RBMS3: variants seen among roughly 807,000 people sequenced by gnomAD.
RBMS3 encodes the protein RNA-binding motif, single-stranded-interacting protein 3.
RBMS3 carries 27 observed loss-of-function variants against 66.8 expected under a neutral mutation model. That is an observed-to-expected ratio of 0.40 (90% CI 0.30 to 0.56). The LOEUF is 0.56. Ranked by LOEUF, RBMS3 falls within the 20% of genes least tolerant of loss-of-function variation. The pLI, the probability that RBMS3 is intolerant of heterozygous loss-of-function variation, is 0.40. For synonymous variants in RBMS3, 188 were observed against 183.0 expected, an observed-to-expected ratio of 1.03 and a Z score of -0.22; for missense variants, 513 against 549.5, an observed-to-expected ratio of 0.93 and a Z score of 0.66.
intron 6 of RBMS3, among the ~76,000 whole-genome samples, chr3:29,789,904 A>G (rs2056945795): frequency 1.3e-5 from 2 of 152,210 alleles, no homozygotes; most frequent in Non-Finnish European, 2.9e-5. Context: ...AATTATAGCC[A>G]GATGTTCTAA....
chr3:29,757,545 G>T (rs1162059031), intron 5 of RBMS3, among the ~76,000 whole-genome samples: 1 of 152,160 alleles, frequency 6.6e-6, no homozygotes, highest in Non-Finnish European at 1.5e-5. Context: ...GAAATCACCT[G>T]GGTAGCTTTG....
At chr3:29,704,621 A>G (rs1205421550) in intron 4 of RBMS3, among the ~76,000 whole-genome samples, 1 of 152,198 alleles carries the variant, frequency 6.6e-6, no homozygotes, top group Non-Finnish European at 1.5e-5. Flanking sequence ...GCAGGCATCT[A>G]GTGGGCATTC....
At chr3:29,580,917 T>A (rs2047307508) in intron 3 of RBMS3, among the ~76,000 whole-genome samples, 1 of 152,176 alleles carries the variant, frequency 6.6e-6, no homozygotes, top group African/African-American at 2.4e-5. Flanking sequence ...GTTTGCTAAG[T>A]GTCTGAGGCT....
At chr3:29,524,521 G>A (rs569378377) in intron 3 of RBMS3, among the ~76,000 whole-genome samples, 2 of 139,250 alleles carry the variant, frequency 1.4e-5, no homozygotes, top group African/African-American at 5.3e-5. Flanking sequence ...TCCGCCTCCC[G>A]GTTTCAAGCT....
intron 3 of RBMS3, among the ~76,000 whole-genome samples, chr3:29,511,979 T>G (rs992869052): frequency 2.0e-5 from 3 of 152,124 alleles, no homozygotes; most frequent in Admixed American, 2.0e-4. Context: ...TGGTTTAAAT[T>G]TGCATGCAAT....
rs556280135 is a variant in RBMS3 at position 29,621,366 on chromosome 3, C to T, written c.399+34161C>T. ...CATGTAGTTATAAAGGATGAACTTTCGAAAATTGAAACAGTCTTCTCTTCA... is the reference window on the plus strand; with the variant it reads ...CATGTAGTTATAAAGGATGAACTTTTGAAAATTGAAACAGTCTTCTCTTCA... On this transcript the variant is annotated intron_variant, in intron 4 of 14. Coordinates refer to ENST00000383767, the MANE Select transcript of RBMS3 (RefSeq NM_001003793.3). Among the ~76,000 whole-genome samples the T allele has an allele frequency of 1.8e-4, 28 of 152,110 alleles. 1 individual carries two copies. In the South Asian group the frequency reaches 5.2e-3, roughly 28 times the overall value.
chr3:29,294,610 G>C (rs1366137230), intron 1 of RBMS3, among the ~76,000 whole-genome samples: 1 of 151,704 alleles, frequency 6.6e-6, no homozygotes, highest in African/African-American at 2.4e-5. Flanking sequence ...TGGTAGTGGT[G>C]GTGGTCTGGA....
chr3:29,457,817 T>A (rs2042244500), intron 2 of RBMS3, among the ~76,000 whole-genome samples: 2 of 145,466 alleles, frequency 1.4e-5, no homozygotes, highest in Admixed American at 1.5e-4. Context: ...TTACCATTTC[T>A]CAATTTGCAC....
At chr3:29,909,299 A>G (rs569988319) in intron 10 of RBMS3, among the ~76,000 whole-genome samples, 5 of 152,270 alleles carry the variant, frequency 3.3e-5, no homozygotes, top group East Asian at 3.9e-4. Flanking sequence ...GAAAAATGTA[A>G]AACAGAAAGA....
intron 2 of RBMS3, among the ~76,000 whole-genome samples, chr3:29,447,939 C>T (rs2041890064): frequency 6.6e-6 from 1 of 152,132 alleles, no homozygotes; most frequent in Admixed American, 6.5e-5. Flanking sequence ...AGTCACCAAG[C>T]CTAACATTAT....
intron 3 of RBMS3, among the ~76,000 whole-genome samples, chr3:29,527,947 A>T (rs1054229563): frequency 2.0e-5 from 3 of 151,500 alleles, no homozygotes; most frequent in African/African-American, 7.3e-5. Context: ...ATAAAAAATA[A>T]AAAGAAATAG....
intron 6 of RBMS3, among the ~76,000 whole-genome samples, chr3:29,800,242 T>C (rs1167006793): frequency 6.6e-6 from 1 of 152,040 alleles, no homozygotes; most frequent in African/African-American, 2.4e-5. Context: ...TTTACCATTA[T>C]AGCATTTCCC....
At chr3:29,545,590 T>A (rs1322219778) in intron 3 of RBMS3, among the ~76,000 whole-genome samples, 1 of 152,228 alleles carries the variant, frequency 6.6e-6, no homozygotes, top group African/African-American at 2.4e-5. Context: ...ACAACCATCA[T>A]GACACAAATT....
intron 11 of RBMS3, among the ~76,000 whole-genome samples, chr3:29,936,801 G>A (rs1266237225): frequency 2.0e-5 from 3 of 151,982 alleles, no homozygotes; most frequent in Admixed American, 6.6e-5. Flanking sequence ...GCTGAAAAAT[G>A]CCTATTGCAG....
chr3:29,438,748 G>T (rs1013392733), intron 2 of RBMS3, among the ~76,000 whole-genome samples: 1 of 152,130 alleles, frequency 6.6e-6, no homozygotes, highest in Non-Finnish European at 1.5e-5. Flanking sequence ...TCTCAATCAA[G>T]AAATATTTAC....
At chr3:29,868,104 A>G (rs972990331) in intron 6 of RBMS3, among the ~76,000 whole-genome samples, 8 of 151,542 alleles carry the variant, frequency 5.3e-5, no homozygotes, top group African/African-American at 2.0e-4. Context: ...GTTTTAAAAG[A>G]TTGTCATTTT....
intron 3 of RBMS3, among the ~76,000 whole-genome samples, chr3:29,514,058 A>T (rs530264028): frequency 6.6e-6 from 1 of 152,280 alleles, no homozygotes; most frequent in African/African-American, 2.4e-5. Flanking sequence ...AGTGCCTGGC[A>T]TGTTTGAAGG....
In RBMS3 at chr3:30,009,354, C is replaced by A. The variant is rs1474163549; in HGVS notation, c.*5492C>A. On this transcript the variant is annotated 3_prime_UTR_variant, in exon 15 of 15. Transcript: ENST00000383767. ...GAAATAAAATTTGATTATTTTATTTCTTATAAAGTATTAATTTCTTAAGGG... is the reference window on the plus strand; with the variant it reads ...GAAATAAAATTTGATTATTTTATTTATTATAAAGTATTAATTTCTTAAGGG... The A allele has an allele frequency of 6.6e-6, 1 of 151,886 alleles. No homozygotes were observed. Among genetic ancestry groups the A allele is most frequent in the African/African-American group, 2.4e-5 (1 of 41,360 alleles). 9.4% of individuals were successfully genotyped at this position (151,886 alleles called of 1,614,324 possible).
rs375052506 is a variant in RBMS3, at chr3:29,909,670, G to T, written c.939+9915G>T. ...AGTGCTAGGCACCAACACATCTCCA[G>T]AGTACATAGGGATGCATCTATTAAT... On this transcript the variant is annotated intron_variant, in intron 10 of 14. Transcript: ENST00000383767. Among the ~76,000 whole-genome samples the T allele has an allele frequency of 6.6e-5, 10 of 152,172 alleles. No homozygotes were observed. In the East Asian group the frequency reaches 1.2e-3, roughly 18 times the overall value.
Sources: allele counts gnomAD v4.1 joint callset (sites outside exome capture counted in the v4.1 genomes callset), GRCh38; gene constraint gnomAD v4.1.1; transcripts MANE v1.5; gene names NCBI Gene and HGNC (gene_info 2026-07-23, HGNC 2026-07-21).